The following SLC38A8 variants were observed in gnomAD, a reference collection of about 807,000 sequenced individuals.
The protein encoded by SLC38A8 is solute carrier family 38 member 8.
SLC38A8 carries 65 observed loss-of-function variants against 46.0 expected under a neutral mutation model. The observed-to-expected ratio is 1.41, with a 90% CI of 1.16 to 1.74. The LOEUF (loss-of-function observed/expected upper bound fraction) is 1.74. Among genes scored for constraint, SLC38A8 ranks in the 40% most tolerant of loss-of-function variants. The pLI is 0.00. For missense variants in SLC38A8, 998 were observed against 567.9 expected (o/e 1.76, Z -7.70); for synonymous variants, 447 against 243.7 (o/e 1.83, Z -7.77).
At chr16:84,028,309 G>A (rs562164747) in intron 6 of SLC38A8, among the ~76,000 whole-genome samples, 142 of 152,090 alleles carry the variant, frequency 9.3e-4, no homozygotes, top group Non-Finnish European at 1.5e-3. Context: ...GGCCAGGCAC[G>A]GTGGCTCACG....
At chr16:84,039,641 G>T (rs1247455830) in intron 2 of SLC38A8, among the ~76,000 whole-genome samples, 2 of 151,708 alleles carry the variant, frequency 1.3e-5, no homozygotes, top group African/African-American at 4.8e-5. Flanking sequence ...AGCTACTTGG[G>T]AGGAGGCTGG....
chr16:84,014,399 G>C (rs1192667665), intron 9 of SLC38A8, among the ~76,000 whole-genome samples: 4 of 144,780 alleles, frequency 2.8e-5, no homozygotes, highest in Non-Finnish European at 6.0e-5. Context: ...TGAAAGCTCC[G>C]CTCAGAGCAT....
chr16:84,016,229 C>A (rs2085023217), intron 9 of SLC38A8, among the ~76,000 whole-genome samples: 1 of 152,348 alleles, frequency 6.6e-6, no homozygotes, highest in Admixed American at 6.5e-5. Flanking sequence ...TCAACTATCT[C>A]CACCTTGCCC....
Position 84,010,942 on chromosome 16 carries a change from C to T in SLC38A8, c.1215-1065G>A, listed in dbSNP as rs540851571. Among the ~76,000 whole-genome samples the T allele has an allele frequency of 3.9e-5, 6 of 152,190 alleles. No individual in the cohort carries two copies. The South Asian group carries it at 1.0e-3, about 27-fold the overall frequency. On this transcript the variant is annotated intron_variant, in intron 10 of 10. Coordinates refer to ENST00000299709, the MANE Select transcript of SLC38A8 (RefSeq NM_001080442.3). ...TGGCTGGGACTGGCAGCCACCGAGG[C>T]CACATTTGTGAGCTTCGTCATGTAA...
intron 2 of SLC38A8, among the ~76,000 whole-genome samples, chr16:84,039,360 A>G (rs1426683489): frequency 1.3e-5 from 2 of 152,218 alleles, no homozygotes; most frequent in African/African-American, 4.8e-5. Flanking sequence ...CCCACGCTCT[A>G]AGCTCCCTGA....
At chr16:84,041,072 A>C (rs1355888335) in intron 2 of SLC38A8, 1 of 152,270 alleles carries the variant, frequency 6.6e-6, no homozygotes, top group Non-Finnish European at 1.5e-5. Context: ...CTTACCACAA[A>C]ATGCAGCAAT....
At chr16:84,036,934 G>A (rs1395981715) in intron 2 of SLC38A8, 34 bp from the exon 3 acceptor site, 28 of 1,571,906 alleles carry the variant, frequency 1.8e-5, no homozygotes, top group Non-Finnish European at 2.3e-5. Context: ...GAACTGGGGT[G>A]TGCCCACAGC....
intron 5 of SLC38A8, among the ~76,000 whole-genome samples, chr16:84,030,546 TC>T (rs1160734816): frequency 1.3e-5 from 2 of 152,012 alleles, no homozygotes; most frequent in African/African-American, 4.8e-5. Context: ...TGTCTCCAGG[TC>T]GGCTCTACCT....
intron 6 of SLC38A8, among the ~76,000 whole-genome samples, chr16:84,028,350 G>A (rs921483252): frequency 6.6e-6 from 1 of 152,064 alleles, no homozygotes; most frequent in Admixed American, 6.5e-5. Context: ...GGAGGCCGAG[G>A]AGGGCAGATC....
intron 2 of SLC38A8, among the ~76,000 whole-genome samples, chr16:84,037,785 C>T (rs7206327): frequency 1.4e-5 from 2 of 140,248 alleles, no homozygotes; most frequent in Admixed American, 7.4e-5. Flanking sequence ...GAAAAGAAAA[C>T]ATCCCTCTAT....
At chr16:84,031,438 C>T (rs2085236559) in intron 5 of SLC38A8, among the ~76,000 whole-genome samples, 1 of 152,324 alleles carries the variant, frequency 6.6e-6, no homozygotes, top group Non-Finnish European at 1.5e-5. Flanking sequence ...CCAAACTCCT[C>T]GCCGTGGCTC....
chr16:84,029,015 C>A (rs777049451), intron 6 of SLC38A8, among the ~76,000 whole-genome samples: 4 of 152,148 alleles, frequency 2.6e-5, no homozygotes, highest in African/African-American at 9.7e-5. Flanking sequence ...AATCAGCTCC[C>A]TGTACACCTT....
intron 9 of SLC38A8, among the ~76,000 whole-genome samples, chr16:84,015,957 G>C (rs1044550845): frequency 6.6e-6 from 1 of 152,226 alleles, no homozygotes; most frequent in South Asian, 2.1e-4. Flanking sequence ...GGGATTACAG[G>C]CGTGAGCCAC....
chr16:84,014,172 T>G (rs115785335), intron 9 of SLC38A8, among the ~76,000 whole-genome samples: 1 of 143,000 alleles, frequency 7.0e-6, no homozygotes, highest in African/African-American at 2.6e-5. Flanking sequence ...ACCCCTCACC[T>G]CTGAAAGCCC....
intron 2 of SLC38A8, chr16:84,040,939 A>T (rs2085360317): frequency 6.6e-6 from 1 of 152,318 alleles, no homozygotes; most frequent in African/African-American, 2.4e-5. Context: ...CAGGGGTGTC[A>T]TGGGTTACAC....
chr16:84,035,249 G>A (rs1009586343), intron 3 of SLC38A8, among the ~76,000 whole-genome samples: 4 of 152,146 alleles, frequency 2.6e-5, no homozygotes, highest in Non-Finnish European at 5.9e-5. Context: ...GGAGCAGGAC[G>A]TTTTTGTGCC....
chr16:84,017,656 T>G lies in SLC38A8; in HGVS notation c.806-369A>C, dbSNP rs114657904. On this transcript the variant is annotated intron_variant, in intron 7 of 10. Transcript: ENST00000299709. ...GACATCTAAAGAAAGCAGCTAGCTG[T>G]GCACACATTTCCAAATGGGGAAAAC... Among the ~76,000 whole-genome samples, 16 of 152,304 alleles carry G rather than the reference T, an allele frequency of 1.1e-4. No individual in the cohort carries two copies. In the South Asian group the frequency reaches 3.1e-3, roughly 30 times the overall value.
At chr16:84,020,664 C>G (rs368678423) in intron 7 of SLC38A8, among the ~76,000 whole-genome samples, 1 of 152,190 alleles carries the variant, frequency 6.6e-6, no homozygotes, top group Non-Finnish European at 1.5e-5. Context: ...CGTGAGGGCA[C>G]GTAGGATAGC....
At chr16:84,028,742 G>C (rs112735811) in intron 6 of SLC38A8, among the ~76,000 whole-genome samples, 1 of 139,460 alleles carries the variant, frequency 7.2e-6, no homozygotes, top group Non-Finnish European at 1.5e-5. Context: ...GCCCTCTGCA[G>C]GTCTCTCTCC....
Sources: allele counts gnomAD v4.1 joint callset (sites outside exome capture counted in the v4.1 genomes callset), GRCh38; gene constraint gnomAD v4.1.1; transcripts MANE v1.5; gene names NCBI Gene and HGNC (gene_info 2026-07-23, HGNC 2026-07-21).